ISCU: variants seen among roughly 807,000 people sequenced by gnomAD.
ISCU encodes iron-sulfur cluster assembly enzyme ISCU.
Under a neutral mutation model 18.4 loss-of-function variants are expected in ISCU, and 13 were observed. The ratio of observed to expected loss-of-function variants is 0.71; its 90% CI spans 0.46 to 1.12. ISCU has a LOEUF of 1.12. ISCU is among the 50% of genes most tolerant of loss of function. The probability of loss-of-function intolerance (pLI) is 0.00; values close to 1 mark genes in which losing one functional copy is unlikely to be tolerated. For missense variants in ISCU, 229 were observed against 208.7 expected (o/e 1.10, Z -0.60); for synonymous variants, 104 against 87.5 (o/e 1.19, Z -1.06).
At chr12:108,567,951 T>C in intron 4 of ISCU, 1 of 1,430,886 alleles carries the variant, frequency 7.0e-7, no homozygotes, top group Non-Finnish European at 9.5e-7. Flanking sequence ...TTAGCCTTAA[T>C]GCATCGATGG....
upstream of ISCU, among the ~76,000 whole-genome samples, chr12:108,561,671 G>A (rs2030569514): frequency 6.6e-6 from 1 of 152,126 alleles, no homozygotes; most frequent in African/African-American, 2.4e-5. Flanking sequence ...TTATGTAAAC[G>A]TCTGGTACCT....
chr12:108,562,791 A>T, intron 1 of ISCU, 55 bp downstream of exon 1: 1 of 1,088,600 alleles, frequency 9.2e-7, no homozygotes, highest in Non-Finnish European at 1.2e-6. Flanking sequence ...CCTGGGCTGG[A>T]GGGGCGGCCG....
At chr12:108,564,487 A>G in intron 2 of ISCU, 95 bp downstream of exon 2, 1 of 845,540 alleles carries the variant, frequency 1.2e-6, no homozygotes, top group African/African-American at 1.7e-5. Context: ...TATTCCTGTG[A>G]GATCTCCAAG....
chr12:108,569,253 G>T lies in ISCU; in HGVS notation c.*337G>T, dbSNP rs1190657952. 2 of 308,484 alleles carry T rather than the reference G, an allele frequency of 6.5e-6. No homozygotes were observed. Among genetic ancestry groups the T allele is most frequent in the African/African-American group, 4.3e-5 (2 of 46,524 alleles). The allele number at this position is 308,484 out of a possible 1,614,324, so 19.1% of individuals were successfully genotyped here. A position where few individuals can be genotyped will look rare whatever the true frequency, so the allele number is the denominator to read the frequency against. On this transcript the variant is annotated 3_prime_UTR_variant, in exon 5 of 5. Coordinates refer to ENST00000311893, the MANE Select transcript of ISCU (RefSeq NM_213595.4). ...CTAATTTTACCTGAATTGATTTGGG[G>T]GGAAATTACCAGTAGAATGCCTTGG...
At chr12:108,566,780 T>A (rs546503322) in intron 3 of ISCU, among the ~76,000 whole-genome samples, 1 of 152,366 alleles carries the variant, frequency 6.6e-6, no homozygotes, top group South Asian at 2.1e-4. Context: ...CATTCGGCAC[T>A]TCTAGTCAAA....
At chr12:108,561,941 T>C (rs1419151735), upstream of ISCU, among the ~76,000 whole-genome samples, 1 of 152,210 alleles carries the variant, frequency 6.6e-6, no homozygotes, top group African/African-American at 2.4e-5. Flanking sequence ...TCTACCTTGC[T>C]CCCTCATTAG....
chr12:108,562,841 C>T (rs2136709827), intron 1 of ISCU, 105 bp downstream of exon 1: 1 of 530,590 alleles, frequency 1.9e-6, no homozygotes, highest in Non-Finnish European at 3.1e-6. Context: ...TGTCCCCTCC[C>T]ACGTCTTTGC....
In ISCU at chr12:108,562,616, C is replaced by T. The variant is rs768391711; in HGVS notation, c.-7C>T. On this transcript the variant is annotated 5_prime_UTR_variant, in exon 1 of 5. Coordinates refer to ENST00000311893, the MANE Select transcript of ISCU (RefSeq NM_213595.4). ...GCTCTGGACTGGCGCAGGCGCAAGCCGGCAAGATGGCGGCGGCTGGGGCTT... is the reference window on the plus strand; with the variant it reads ...GCTCTGGACTGGCGCAGGCGCAAGCTGGCAAGATGGCGGCGGCTGGGGCTT... 2.8e-5 allele frequency: 41 copies of T among 1,451,424 alleles called. No homozygotes were observed. Among genetic ancestry groups the T allele is most frequent in the Non-Finnish European group, 3.2e-5 (35 of 1,103,468 alleles). The allele number at this position is 1,451,424 out of a possible 1,614,324, so 89.9% of individuals were successfully genotyped here. A position where few individuals can be genotyped will look rare whatever the true frequency, so the allele number is the denominator to read the frequency against.
At chr12:108,567,306 T>C (rs2030946735) in intron 4 of ISCU, 38 bp downstream of exon 4, 8 of 1,527,720 alleles carry the variant, frequency 5.2e-6, no homozygotes, top group African/African-American at 1.4e-5. Flanking sequence ...GCTGGGACAT[T>C]TGGCAGTAAT....
chr12:108,567,606 C>T, intron 4 of ISCU: 8 of 1,446,046 alleles, frequency 5.5e-6, no homozygotes, highest in Non-Finnish European at 7.5e-6. Flanking sequence ...GCCCACATCA[C>T]ATGGCTAATA....
At chr12:108,567,469 T>C in intron 4 of ISCU, 1 of 718,144 alleles carries the variant, frequency 1.4e-6, no homozygotes, top group Non-Finnish European at 2.5e-6. Context: ...CAGAAGGAGG[T>C]ATGCACCAGC....
In ISCU at chr12:108,567,247, C is replaced by G; in HGVS notation, c.397C>G (p.Pro133Ala). The G allele has an allele frequency of 6.2e-7, 1 of 1,613,920 alleles. No homozygotes were observed. The highest frequency in any genetic ancestry group is 8.5e-7 in the Non-Finnish European group (1 of 1,179,812). ...TDIAKELCLP[P>A]VKLHCSMLAE... ...TATCGCCAAGGAGCTCTGCCTTCCT[C>G]CCGTGAAACTGCACTGCTCCAGTAA... The change falls in exon 4 of 5, where the codon CCC becomes GCC. Residue 133 changes from proline (P) to alanine (A), a missense_variant. Pro to Ala is a conservative substitution (Grantham distance 27). Transcript: ENST00000311893.
At chr12:108,562,985 C>T (rs1195311249) in intron 1 of ISCU, 2 of 353,144 alleles carry the variant, frequency 5.7e-6, no homozygotes, top group Admixed American at 4.8e-5. Context: ...TTAAATTCGC[C>T]AACAGCCCAG....
In ISCU at chr12:108,568,820, G is replaced by C. The variant is rs761162296; in HGVS notation, c.419-11G>C. ...TAGAAACTTAGGCTTCTTTCCTTCC[G>C]TTACTTCCAGTGCTGGCTGAAGATG... On this transcript the variant is annotated splice_polypyrimidine_tract_variant and intron_variant, in intron 4 of 4. Transcript: ENST00000311893. The C allele has an allele frequency of 1.2e-6, 2 of 1,610,918 alleles. No homozygotes were observed. The highest frequency in any genetic ancestry group is 3.4e-5 in the Admixed American group (2 of 59,518).
upstream of ISCU, chr12:108,561,526 T>A (rs2030562842): frequency 5.4e-6 from 1 of 186,232 alleles, no homozygotes; most frequent in African/African-American, 2.3e-5. Flanking sequence ...GCCTTACTTA[T>A]CGCCTAGTGT....
At chr12:108,567,703 A>G in intron 4 of ISCU, 2 of 1,536,006 alleles carry the variant, frequency 1.3e-6, no homozygotes, top group Non-Finnish European at 1.7e-6. Context: ...CTTTCGCCAT[A>G]ATCCTGTTTC....
chr12:108,562,353 C>T (rs2030613355), upstream of ISCU, among the ~76,000 whole-genome samples: 2 of 64,036 alleles, frequency 3.1e-5, no homozygotes, highest in East Asian at 2.7e-3. Flanking sequence ...GAGCCCCACA[C>T]TGCAGAAGCC....
intron 1 of ISCU, chr12:108,563,014 G>A (rs191882814): frequency 2.5e-4 from 73 of 288,802 alleles, no homozygotes; most frequent in African/African-American, 1.5e-3. Context: ...GTCCTGTTGG[G>A]ACTTGTCTTT....
rs2030666576 is a variant in ISCU at position 108,562,748 on chromosome 12, A to AG, written c.114+13dup. 1 of 1,211,046 alleles carries AG rather than the reference A, an allele frequency of 8.3e-7. No homozygotes were observed. The highest frequency in any genetic ancestry group is 2.0e-4 in the Middle Eastern group (1 of 5,114). 75.0% of individuals were successfully genotyped at this position (1,211,046 alleles called of 1,614,324 possible). ...TCTATCACAAGAAGGTAGGGACAAAAGAGGGACGCGCGGAATGCCGACTCA... is the reference window on the plus strand; with the variant it reads ...TCTATCACAAGAAGGTAGGGACAAAAGGAGGGACGCGCGGAATGCCGACTCA... On this transcript the variant is annotated intron_variant, in intron 1 of 4. Coordinates refer to ENST00000311893, the MANE Select transcript of ISCU (RefSeq NM_213595.4).
Sources: allele counts gnomAD v4.1 joint callset (sites outside exome capture counted in the v4.1 genomes callset), GRCh38; gene constraint gnomAD v4.1.1; transcripts MANE v1.5; gene names NCBI Gene and HGNC (gene_info 2026-07-23, HGNC 2026-07-21).